The following HEPH variants were observed in gnomAD, a reference collection of about 807,000 sequenced individuals.
HEPH encodes hephaestin.
In HEPH, 69 loss-of-function variants were observed where a neutral mutation model predicts 80.8. That is an observed-to-expected ratio of 0.85 (90% CI 0.70 to 1.04). The LOEUF (loss-of-function observed/expected upper bound fraction) is 1.04, where lower values mean the gene tolerates loss of function less well. Among genes scored for constraint, HEPH ranks in the 50% least tolerant of loss-of-function variants. The pLI, the probability that HEPH is intolerant of heterozygous loss-of-function variation, is 0.00. For synonymous variants in HEPH, 431 were observed against 322.8 expected (o/e 1.34, Z -3.60); for missense variants, 1,115 against 891.3 (o/e 1.25, Z -3.20).
intron 15 of HEPH, among the ~76,000 whole-genome samples, chrX:66,246,704 G>T (rs2090823024): frequency 1.8e-5 from 2 of 111,745 alleles, no homozygotes; most frequent in South Asian, 7.6e-4. Flanking sequence ...TGTTGGAGAG[G>T]TTCTTCTGGC....
rs749109675 is a variant in HEPH, at chrX:66,198,066, A to AT, written c.1713+178dup. On this transcript the variant is annotated intron_variant, in intron 10 of 20. Transcript: ENST00000343002. ...GTGACCTCATACTATCTTGCATGTT[A>AT]TTTTTTGTACTGACAAATATATATC... 4.9e-3 allele frequency among the ~76,000 whole-genome samples: 548 copies of AT among 111,838 alleles called. 2 individuals are homozygous for AT. Among genetic ancestry groups the AT allele is most frequent in the Middle Eastern group, 9.3e-3 (2 of 216 alleles).
chrX:66,208,270 G>A (rs762669923), intron 15 of HEPH, 24 bp downstream of exon 15: 1 of 1,192,474 alleles, frequency 8.4e-7, no homozygotes, highest in Non-Finnish European at 1.1e-6. Flanking sequence ...CTTAGTGAAA[G>A]AACAAAGGAC....
chrX:66,200,456 T>G, intron 11 of HEPH, 84 bp from the exon 12 acceptor site: 1 of 765,320 alleles, frequency 1.3e-6, no homozygotes, highest in Admixed American at 2.9e-5. Flanking sequence ...GAAACCATAG[T>G]ACATAGCTGA....
At chrX:66,238,139 T>G (rs1388185973) in intron 15 of HEPH, among the ~76,000 whole-genome samples, 1 of 111,655 alleles carries the variant, frequency 9.0e-6, no homozygotes, top group Non-Finnish European at 1.9e-5. Context: ...TATAGGTATG[T>G]GTGGATTTGA....
rs982729672 is a variant in HEPH at position 66,261,433 on chromosome X, A to T, written c.3199+1171A>T. Among the ~76,000 whole-genome samples, 6 of 111,307 alleles carry T rather than the reference A, an allele frequency of 5.4e-5. No homozygotes were observed. The East Asian group carries it at 1.7e-3, about 31-fold the overall frequency. ...GTGTCTTTGAGTAATTAAAGGGTCA[A>T]ATGTCTTACTTCTTAAGGTTCTTGA... On this transcript the variant is annotated intron_variant, in intron 19 of 20. Coordinates refer to ENST00000343002, the MANE Select transcript of HEPH (RefSeq NM_001367233.3).
chrX:66,195,281 C>T (rs1487394708), intron 9 of HEPH, 52 bp downstream of exon 9: 7 of 980,374 alleles, frequency 7.1e-6, no homozygotes, highest in Non-Finnish European at 9.3e-6. Context: ...TACCATGTGT[C>T]TCTAGAAAAC....
At chrX:66,245,685 C>G (rs2090776564) in intron 15 of HEPH, among the ~76,000 whole-genome samples, 1 of 111,741 alleles carries the variant, frequency 8.9e-6, no homozygotes, top group South Asian at 3.8e-4. Context: ...ACATTCTTTT[C>G]AGCACCACAC....
chrX:66,192,309 G>A lies in HEPH; in HGVS notation c.1232+11G>A, dbSNP rs1159711110. ...GAGAGAGCCAGGCAGGTAAGAGGCA[G>A]TGGGATCCCTCTCTTTAATTCTTTA... On this transcript the variant is annotated intron_variant, in intron 7 of 20. Transcript: ENST00000343002. The A allele has an allele frequency of 8.4e-7, 1 of 1,187,732 alleles. No individual in the cohort carries two copies. The highest frequency in any genetic ancestry group is 1.1e-6 in the Non-Finnish European group (1 of 877,204).
chrX:66,250,424 A>G (rs1447958703), intron 15 of HEPH, among the ~76,000 whole-genome samples: 1 of 111,259 alleles, frequency 9.0e-6, no homozygotes, highest in Non-Finnish European at 1.9e-5. Context: ...GACTTTTTTG[A>G]TGTACAGTTG....
At chrX:66,200,125 G>A (rs1602310478) in intron 11 of HEPH, among the ~76,000 whole-genome samples, 1 of 110,469 alleles carries the variant, frequency 9.1e-6, no homozygotes, top group Non-Finnish European at 1.9e-5. Flanking sequence ...TGGGGGCGTG[G>A]AAAATGAGAT....
intron 4 of HEPH, among the ~76,000 whole-genome samples, chrX:66,176,162 G>A (rs990273898): frequency 9.0e-6 from 1 of 111,726 alleles, no homozygotes; most frequent in African/African-American, 3.3e-5. Context: ...TGTCATATAT[G>A]GCTTTTATTA....
chrX:66,200,394 A>G (rs1466366515), intron 11 of HEPH, 146 bp from the exon 12 acceptor site: 36 of 464,239 alleles, frequency 7.8e-5, no homozygotes, highest in Non-Finnish European at 3.7e-6. Flanking sequence ...TTAAAGTGGC[A>G]TAGAGAGGAA....
intron 15 of HEPH, among the ~76,000 whole-genome samples, chrX:66,243,987 G>T (rs1174965333): frequency 8.9e-6 from 1 of 111,888 alleles, no homozygotes; most frequent in Non-Finnish European, 1.9e-5. Context: ...CTTTAAAGAT[G>T]CTTTATATAG....
At chrX:66,262,274 G>T (rs1404037990) in intron 19 of HEPH, among the ~76,000 whole-genome samples, 2 of 111,915 alleles carry the variant, frequency 1.8e-5, no homozygotes, top group Non-Finnish European at 3.8e-5. Flanking sequence ...AAAGATTAGT[G>T]CAAGAGTGGA....
rs2091134324 is a variant in HEPH at position 66,255,154 on chromosome X, T to C, written c.2670+13T>C. 3 of 1,131,348 alleles carry C rather than the reference T, an allele frequency of 2.7e-6. No individual in the cohort carries two copies. The highest frequency in any genetic ancestry group is 6.0e-5 in the East Asian group (2 of 33,196). The allele number at this position is 1,131,348 out of a possible 1,213,427, so 93.2% of individuals were successfully genotyped here. ...GGATCCCATCAAGGTAAATACAAGATTGGCTACCTGGAGGTGGGTCAAACT... is the reference window on the plus strand; with the variant it reads ...GGATCCCATCAAGGTAAATACAAGACTGGCTACCTGGAGGTGGGTCAAACT... On this transcript the variant is annotated intron_variant, in intron 16 of 20. Transcript: ENST00000343002.
At position 66,266,521 on chromosome X, in the gene HEPH, C is replaced by T. The variant is rs747501103; in HGVS notation, c.3326C>T (p.Ala1109Val). The T allele has an allele frequency of 5.8e-6, 7 of 1,209,660 alleles. No homozygotes were observed. The highest frequency in any genetic ancestry group is 7.8e-6 in the Non-Finnish European group (7 of 894,428). Reference sequence around the variant, plus strand: ...CCCATAAAGAATGTTGAGATGCTGGCCTCTGTTTTGGTTGCCATTAGTGTC... The same window carrying T: ...CCCATAAAGAATGTTGAGATGCTGGTCTCTGTTTTGGTTGCCATTAGTGTC... ...QIPIKNVEML[A>V]SVLVAISVTL... is the part of the protein sequence containing the mutation. Residue 1109 changes from alanine (A) to valine (V), a missense_variant, in exon 21 of 21, where the codon GCC becomes GTC. Ala to Val is a moderately conservative substitution (Grantham distance 64). Coordinates refer to ENST00000343002, the MANE Select transcript of HEPH (RefSeq NM_001367233.3).
At chrX:66,196,221 A>T (rs1249740912) in intron 9 of HEPH, among the ~76,000 whole-genome samples, 1 of 111,495 alleles carries the variant, frequency 9.0e-6, no homozygotes, top group African/African-American at 3.3e-5. Context: ...TGCTAATATC[A>T]TGATGTTTGT....
In HEPH at chrX:66,256,206, G is replaced by A. The variant is rs139082118; in HGVS notation, c.2772G>A (p.Leu924=). ...RSDMDREFAL[L]FLIFDENKSW... ...ACATGGATCGGGAATTTGCATTGTT[G>A]TTCTTGATTTTTGATGAAAATAAGT... is the stretch of plus-strand genomic sequence containing the variant. The change falls in exon 17 of 21, where the codon TTG becomes TTA. Residue 924 remains leucine, a synonymous_variant. Coordinates refer to ENST00000343002, the MANE Select transcript of HEPH (RefSeq NM_001367233.3). 42 of 1,209,717 alleles carry A rather than the reference G, an allele frequency of 3.5e-5. No individual in the cohort carries two copies. In the African/African-American group the frequency reaches 6.6e-4, roughly 19 times the overall value.
intron 15 of HEPH, among the ~76,000 whole-genome samples, chrX:66,220,884 A>G (rs1353342740): frequency 9.0e-6 from 1 of 111,132 alleles, no homozygotes; most frequent in East Asian, 2.8e-4. Flanking sequence ...CATACCTTGC[A>G]TAGGATAGCA....
Sources: allele counts gnomAD v4.1 joint callset (sites outside exome capture counted in the v4.1 genomes callset), GRCh38; gene constraint gnomAD v4.1.1; transcripts MANE v1.5; gene names NCBI Gene and HGNC (gene_info 2026-07-23, HGNC 2026-07-21).